The following PCDH11X variants were observed in gnomAD, a reference collection of about 807,000 sequenced individuals.
PCDH11X encodes the protein protocadherin 11 X-linked.
In PCDH11X, 18 loss-of-function variants were observed where a neutral mutation model predicts 53.3. The ratio of observed to expected loss-of-function variants is 0.34; its 90% CI spans 0.23 to 0.50. The LOEUF (loss-of-function observed/expected upper bound fraction) is 0.50, where lower values mean the gene tolerates loss of function less well. PCDH11X is among the 20% of genes least tolerant of loss of function. The probability of loss-of-function intolerance (pLI) is 0.98; values close to 1 mark genes in which losing one functional copy is unlikely to be tolerated. For synonymous variants in PCDH11X, 279 were observed against 393.3 expected, an observed-to-expected ratio of 0.71 and a Z score of 3.44; for missense variants, 570 against 1,032.4, an observed-to-expected ratio of 0.55 and a Z score of 6.14.
chrX:92,321,903 T>TTA (rs1174239621), intron 8 of PCDH11X, among the ~76,000 whole-genome samples: 1 of 107,246 alleles, frequency 9.3e-6, no homozygotes, highest in Non-Finnish European at 1.9e-5. Context: ...TTCTCAACCA[T>TTA]TATGTTTTCT....
At chrX:91,868,990 G>A (rs1463832631) in intron 5 of PCDH11X, among the ~76,000 whole-genome samples, 1 of 111,531 alleles carries the variant, frequency 9.0e-6, no homozygotes, top group Non-Finnish European at 1.9e-5. Context: ...TAGTAACGGT[G>A]AATTTTGTTT....
intron 9 of PCDH11X, 191 bp from the exon 10 acceptor site, chrX:92,468,108 A>T: frequency 5.1e-6 from 2 of 391,488 alleles, no homozygotes; most frequent in Non-Finnish European, 6.5e-6. Context: ...TTCTATAAAA[A>T]TGTATTACAA....
chrX:92,126,687 T>C (rs999239431), intron 6 of PCDH11X, among the ~76,000 whole-genome samples: 11 of 99,956 alleles, frequency 1.1e-4, no homozygotes, highest in African/African-American at 4.1e-4. Flanking sequence ...ATAAATTTTT[T>C]ACCAGATTGA....
intron 9 of PCDH11X, among the ~76,000 whole-genome samples, chrX:92,402,677 C>T (rs2071411614): frequency 9.0e-6 from 1 of 111,217 alleles, no homozygotes; most frequent in Non-Finnish European, 1.9e-5. Flanking sequence ...CTATAAAACC[C>T]TGGAATACAG....
chrX:92,019,061 A>G (rs1027302339), intron 6 of PCDH11X, among the ~76,000 whole-genome samples: 5 of 111,363 alleles, frequency 4.5e-5, no homozygotes, highest in African/African-American at 6.5e-5. Flanking sequence ...CACACTTCTA[A>G]CAGATCTTCA....
At chrX:92,124,854 T>G (rs1315218320) in intron 6 of PCDH11X, among the ~76,000 whole-genome samples, 1 of 110,734 alleles carries the variant, frequency 9.0e-6, no homozygotes, top group Non-Finnish European at 1.9e-5. Flanking sequence ...TATTTATGCA[T>G]TTGTTTGTTT....
intron 1 of PCDH11X, among the ~76,000 whole-genome samples, chrX:91,786,797 A>G (rs1322624619): frequency 9.3e-6 from 1 of 107,553 alleles, no homozygotes; most frequent in Non-Finnish European, 1.9e-5. Flanking sequence ...GATGGTCTTT[A>G]GTCTCCAAGC....
intron 8 of PCDH11X, among the ~76,000 whole-genome samples, chrX:92,374,538 A>G (rs1199875613): frequency 9.2e-6 from 1 of 108,657 alleles, no homozygotes; most frequent in Non-Finnish European, 1.9e-5. Context: ...AATATCAATG[A>G]AAAGTCTTTT....
At chrX:92,078,138 C>T (rs6652616) in intron 6 of PCDH11X, among the ~76,000 whole-genome samples, 2,333 of 107,161 alleles carry the variant, frequency 0.022, 59 homozygotes, top group African/African-American at 0.075. Context: ...AAAATTGTCT[C>T]TTTATTGAAA....
At chrX:91,963,666 A>C (rs1274968450) in intron 6 of PCDH11X, among the ~76,000 whole-genome samples, 1 of 110,971 alleles carries the variant, frequency 9.0e-6, no homozygotes, top group Non-Finnish European at 1.9e-5. Context: ...TTACAGTAGC[A>C]CCCCACTCCT....
intron 6 of PCDH11X, among the ~76,000 whole-genome samples, chrX:92,163,443 C>G (rs1187410955): frequency 3.6e-5 from 4 of 110,323 alleles, no homozygotes; most frequent in Admixed American, 1.9e-4. Context: ...GGCAGCCCTC[C>G]CCAAGGACCC....
chrX:92,451,579 T>C (rs2072781409), intron 9 of PCDH11X, among the ~76,000 whole-genome samples: 1 of 111,178 alleles, frequency 9.0e-6, no homozygotes, highest in South Asian at 3.8e-4. Flanking sequence ...AGTCTACCGA[T>C]TATTTCCGTT....
intron 6 of PCDH11X, among the ~76,000 whole-genome samples, chrX:92,094,235 A>T (rs1299356356): frequency 9.2e-6 from 1 of 108,670 alleles, no homozygotes; most frequent in Admixed American, 1.0e-4. Context: ...TGTTTTGTTG[A>T]CATCCCACAC....
chrX:92,505,152 C>CTTTTTTTTTTTTTTT (rs58620449), intron 10 of PCDH11X, among the ~76,000 whole-genome samples: 58 of 64,217 alleles, frequency 9.0e-4, no homozygotes, highest in African/African-American at 2.5e-3. Context: ...TTTCTTTTTT[C>CTTTTTTTTTTTTTTT]TTTTTTTTTT....
At chrX:92,210,183 A>G (rs901598781) in intron 7 of PCDH11X, among the ~76,000 whole-genome samples, 2 of 105,857 alleles carry the variant, frequency 1.9e-5, no homozygotes, top group Non-Finnish European at 3.9e-5. Context: ...TCCTCTTTAC[A>G]TATGCAAATT....
chrX:92,266,982 T>C (rs1485868671), intron 8 of PCDH11X, among the ~76,000 whole-genome samples: 1 of 111,114 alleles, frequency 9.0e-6, no homozygotes, highest in Non-Finnish European at 1.9e-5. Context: ...TGACCTCCAG[T>C]GATCTGCCCA....
At chrX:92,403,174 G>C (rs1191066796) in intron 9 of PCDH11X, among the ~76,000 whole-genome samples, 1 of 103,735 alleles carries the variant, frequency 9.6e-6, no homozygotes, top group Non-Finnish European at 2.0e-5. Flanking sequence ...TCTTAAATTA[G>C]TCTTAATTAT....
chrX:91,814,627 A>G, intron 4 of PCDH11X, among the ~76,000 whole-genome samples: 1 of 93,257 alleles, frequency 1.1e-5, no homozygotes, highest in African/African-American at 3.9e-5. Context: ...GTGATGTAAG[A>G]TCTTTTAAAG....
At position 92,488,771 on chromosome X, in the gene PCDH11X, CA is replaced by C. The variant is rs920354551; in HGVS notation, c.3367+20452del. Among the ~76,000 whole-genome samples, 4 of 88,733 alleles carry C rather than the reference CA, an allele frequency of 4.5e-5. No individual in the cohort carries two copies. The Admixed American group carries it at 5.3e-4, about 12-fold the overall frequency. 77.1% of individuals were successfully genotyped at this position (88,733 alleles called of 115,157 possible). A position where few individuals can be genotyped will look rare whatever the true frequency, so the allele number is the denominator to read the frequency against. On this transcript the variant is annotated intron_variant, in intron 10 of 10. Coordinates refer to ENST00000682573, the MANE Select transcript of PCDH11X (RefSeq NM_032968.5). Reference sequence around the variant, plus strand: ...TTGCCAAGGAGAGGCATATACCATGCAAATTCTGATCTGAGGGAATTTCAAT... The same window carrying C: ...TTGCCAAGGAGAGGCATATACCATGCAATTCTGATCTGAGGGAATTTCAAT...
Sources: allele counts gnomAD v4.1 joint callset (sites outside exome capture counted in the v4.1 genomes callset), GRCh38; gene constraint gnomAD v4.1.1; transcripts MANE v1.5; gene names NCBI Gene and HGNC (gene_info 2026-07-23, HGNC 2026-07-21).